HLF: variants seen among roughly 807,000 people sequenced by gnomAD.
HLF encodes hepatic leukemia factor.
A neutral mutation model predicts 22.6 loss-of-function variants in HLF; 3 were observed. That is an observed-to-expected ratio of 0.13 (90% confidence interval 0.06 to 0.34). The LOEUF (loss-of-function observed/expected upper bound fraction) is 0.34, where lower values mean the gene tolerates loss of function less well. Among genes scored for constraint, HLF ranks in the 10% least tolerant of loss-of-function variants. The probability of loss-of-function intolerance (pLI) is 1.00; values close to 1 mark genes in which losing one functional copy is unlikely to be tolerated. For missense variants in HLF, 299 were observed against 389.2 expected (o/e 0.77, Z 1.95); for synonymous variants, 151 against 151.8 (o/e 0.99, Z 0.04).
intron 2 of HLF, among the ~76,000 whole-genome samples, chr17:55,299,387 T>C (rs567762655): frequency 6.6e-6 from 1 of 152,304 alleles, no homozygotes; most frequent in South Asian, 2.1e-4. Flanking sequence ...TCACCTATCC[T>C]GCCTACTTCC....
At chr17:55,279,950 C>T (rs540847840) in intron 2 of HLF, among the ~76,000 whole-genome samples, 1 of 151,944 alleles carries the variant, frequency 6.6e-6, no homozygotes, top group Non-Finnish European at 1.5e-5. Flanking sequence ...CATCGGCCAA[C>T]CCGCAAAGGT....
rs976655821 is a variant in HLF at position 55,270,678 on chromosome 17, T to G, written c.451+2592T>G. ...AATCTTTTTTTTTTTTTTTTTTTTT[T>G]GAGACGGAGTCTCGCTCTGTCGCCC... On this transcript the variant is annotated intron_variant, in intron 2 of 3. Coordinates refer to ENST00000226067, the MANE Select transcript of HLF (RefSeq NM_002126.5). 7.9e-4 allele frequency among the ~76,000 whole-genome samples: 83 copies of G among 105,516 alleles called. No individual in the cohort carries two copies. In the East Asian group the frequency reaches 0.013, roughly 16 times the overall value. The allele number at this position is 105,516 out of a possible 152,430, so 69.2% of individuals were successfully genotyped here.
chr17:55,287,885 G>T (rs2081019786), intron 2 of HLF, among the ~76,000 whole-genome samples: 1 of 152,174 alleles, frequency 6.6e-6, no homozygotes, highest in South Asian at 2.1e-4. Flanking sequence ...TGATATACAG[G>T]AAACATTTGT....
chr17:55,307,012 C>A (rs994443552), intron 2 of HLF, among the ~76,000 whole-genome samples: 1 of 151,862 alleles, frequency 6.6e-6, no homozygotes, highest in African/African-American at 2.4e-5. Context: ...ATAATGTATT[C>A]CTTGATTTGG....
chr17:55,283,297 C>T (rs972519792), intron 2 of HLF, among the ~76,000 whole-genome samples: 44 of 152,112 alleles, frequency 2.9e-4, no homozygotes, highest in Admixed American at 1.8e-3. Context: ...CATCTTGCAA[C>T]TGGCTCTGAT....
At chr17:55,266,153 G>A (rs1317600710) in intron 1 of HLF, 3 of 152,382 alleles carry the variant, frequency 2.0e-5, no homozygotes, top group Admixed American at 1.3e-4. Flanking sequence ...TGAGAAAGCG[G>A]GGTGGGGGCT....
At chr17:55,269,222 G>A (rs921947354) in intron 2 of HLF, among the ~76,000 whole-genome samples, 13 of 152,164 alleles carry the variant, frequency 8.5e-5, no homozygotes, top group Non-Finnish European at 1.8e-4. Flanking sequence ...TCATATTGAA[G>A]TTCCTCCTTT....
chr17:55,277,162 G>A (rs558329405), intron 2 of HLF, among the ~76,000 whole-genome samples: 21 of 151,900 alleles, frequency 1.4e-4, no homozygotes, highest in African/African-American at 4.8e-4. Flanking sequence ...ACTCATTAAC[G>A]TTCATCACTT....
rs1905350550 is a variant in HLF, at chr17:55,323,765, G to A, written c.*2886G>A. 2.2e-5 allele frequency: 5 copies of A among 230,698 alleles called. No homozygotes were observed. The highest frequency in any genetic ancestry group is 4.3e-5 in the Non-Finnish European group (5 of 116,314). The allele number at this position is 230,698 out of a possible 1,614,324, so 14.3% of individuals were successfully genotyped here. On this transcript the variant is annotated 3_prime_UTR_variant, in exon 4 of 4. Transcript: ENST00000226067. ...TGACTCTGAGTGATTTGGGTCAACC[G>A]GAGTCAGACGCATGTCTGCACGCTG... is the stretch of plus-strand genomic sequence containing the variant.
At chr17:55,305,694 C>T (rs575605241) in intron 2 of HLF, among the ~76,000 whole-genome samples, 3 of 152,310 alleles carry the variant, frequency 2.0e-5, no homozygotes, top group Non-Finnish European at 2.9e-5. Context: ...ATACAGTGCC[C>T]GCCTCGCAGA....
At chr17:55,281,799 T>G (rs1230715470) in intron 2 of HLF, among the ~76,000 whole-genome samples, 1 of 152,196 alleles carries the variant, frequency 6.6e-6, no homozygotes, top group Non-Finnish European at 1.5e-5. Flanking sequence ...CCATCAGCCC[T>G]TCCATTCTGA....
At chr17:55,266,200 C>A (rs1217810434) in intron 1 of HLF, 1 of 151,830 alleles carries the variant, frequency 6.6e-6, no homozygotes, top group Non-Finnish European at 1.5e-5. Flanking sequence ...GGCGGGAAGC[C>A]GTGCACGCCT....
Position 55,324,808 on chromosome 17 carries a change from T to TGTGTGCGC in HLF, c.*3930_*3931insTGTGCGCG, listed in dbSNP as rs142611274. ...GTGTAAGAGTGTGTGTGTGTGTGTGTGCGTGCATGTGTGTGTGTGTGTATG... is the reference window on the plus strand; with the variant it reads ...GTGTAAGAGTGTGTGTGTGTGTGTGTGTGTGCGCGCGTGCATGTGTGTGTGTGTGTATG... On this transcript the variant is annotated 3_prime_UTR_variant, in exon 4 of 4. Coordinates refer to ENST00000226067, the MANE Select transcript of HLF (RefSeq NM_002126.5). 8.7e-6 allele frequency: 2 copies of TGTGTGCGC among 230,064 alleles called. No individual in the cohort carries two copies. The highest frequency in any genetic ancestry group is 1.7e-5 in the Non-Finnish European group (2 of 115,698). The allele number at this position is 230,064 out of a possible 1,614,324, so 14.3% of individuals were successfully genotyped here.
intron 2 of HLF, among the ~76,000 whole-genome samples, chr17:55,278,096 T>C (rs1346570422): frequency 6.6e-6 from 1 of 151,710 alleles, no homozygotes; most frequent in South Asian, 2.1e-4. Context: ...GTTTCCTTAA[T>C]GATCTTTGGA....
Position 55,320,577 on chromosome 17 carries a change from C to A in HLF, c.673-87C>A. ...CCCGGGCTGGCACCTCTGCACAATC[C>A]TGGAGCCTGCCCGTGCCCTGGCTGG... On this transcript the variant is annotated intron_variant, in intron 3 of 3. Transcript: ENST00000226067. This position sits in a 1 kb window ranked among gnomAD's most constrained non-coding sequence, Gnocchi z 4.2. The A allele has an allele frequency of 8.1e-7, 1 of 1,227,890 alleles. No individual in the cohort carries two copies. The highest frequency in any genetic ancestry group is 1.2e-6 in the Non-Finnish European group (1 of 864,546). The allele number at this position is 1,227,890 out of a possible 1,614,324, so 76.1% of individuals were successfully genotyped here. A position where few individuals can be genotyped will look rare whatever the true frequency, so the allele number is the denominator to read the frequency against.
At chr17:55,273,682 G>C (rs1386817654) in intron 2 of HLF, 1 of 152,074 alleles carries the variant, frequency 6.6e-6, no homozygotes. Context: ...CTGCCTGCCT[G>C]CATGACCGTG....
rs970739635 is a variant in HLF, at chr17:55,267,135, C to A, written c.116-616C>A. On this transcript the variant is annotated intron_variant, in intron 1 of 3. Transcript: ENST00000226067. ...GGTCAAGTTCCCTCAAGTCTCAGAGCCTCCGAGTCTTTGTTGTAAATGGAG... is the reference window on the plus strand; with the variant it reads ...GGTCAAGTTCCCTCAAGTCTCAGAGACTCCGAGTCTTTGTTGTAAATGGAG... Among the ~76,000 whole-genome samples the A allele has an allele frequency of 5.9e-5, 9 of 152,266 alleles. 2 individuals are homozygous for A. Among genetic ancestry groups the A allele is most frequent in the East Asian group, 1.9e-4 (1 of 5,190 alleles).
At position 55,296,830 on chromosome 17, in the gene HLF, C is replaced by CA. The variant is rs915265221; in HGVS notation, c.452-18390dup. On this transcript the variant is annotated intron_variant, in intron 2 of 3. Transcript: ENST00000226067. ...TGAGAAAGCTGTTTCCTCTTCCATT[C>CA]AAAAAAATTTTTTTTTTTTTTTACA... Among the ~76,000 whole-genome samples the CA allele has an allele frequency of 7.3e-5, 11 of 151,652 alleles. No individual in the cohort carries two copies. The East Asian group carries it at 9.7e-4, about 13-fold the overall frequency.
At position 55,320,956 on chromosome 17, in the gene HLF, CCTT is replaced by C; in HGVS notation, c.*78_*80del. 1 of 1,139,376 alleles carries C rather than the reference CCTT, an allele frequency of 8.8e-7. No homozygotes were observed. Among genetic ancestry groups the C allele is most frequent in the Non-Finnish European group, 1.3e-6 (1 of 784,196 alleles). 70.6% of individuals were successfully genotyped at this position (1,139,376 alleles called of 1,614,324 possible). A position where few individuals can be genotyped will look rare whatever the true frequency, so the allele number is the denominator to read the frequency against. On this transcript the variant is annotated 3_prime_UTR_variant, in exon 4 of 4. Transcript: ENST00000226067. This position sits in a 1 kb window ranked among gnomAD's most constrained non-coding sequence, Gnocchi z 4.2. ...TCTGATAGCACCACACGCAAACCAA[CCTT>C]TCTGACATCAGCACTTTACCAGAGG...
Sources: allele counts gnomAD v4.1 joint callset (sites outside exome capture counted in the v4.1 genomes callset), GRCh38; gene constraint gnomAD v4.1.1; non-coding constraint Gnocchi (gnomAD v3.1); transcripts MANE v1.5; gene names NCBI Gene and HGNC (gene_info 2026-07-23, HGNC 2026-07-21).